Variants in BOD1L1 observed in about 807,000 individuals in gnomAD.
BOD1L1 encodes the protein biorientation of chromosomes in cell division 1 like 1.
Under a neutral mutation model 240.7 loss-of-function variants are expected in BOD1L1, and 86 were observed. The ratio of observed to expected loss-of-function variants is 0.36; its 90% confidence interval spans 0.30 to 0.43. The LOEUF is 0.43. BOD1L1 is among the 20% of genes least tolerant of loss of function. The probability of loss-of-function intolerance (pLI) is 1.00; values close to 1 mark genes in which losing one functional copy is unlikely to be tolerated. For synonymous variants in BOD1L1, 1,268 were observed against 1,272.3 expected (o/e 1.00, Z 0.07); for missense variants, 3,554 against 3,643.5 (o/e 0.98, Z 0.63).
chr4:13,580,274 C>T (rs565713343), intron 21 of BOD1L1, among the ~76,000 whole-genome samples: 1 of 152,190 alleles, frequency 6.6e-6, no homozygotes, highest in South Asian at 2.1e-4. Context: ...TTGCTAAATG[C>T]ATTCACATGT....
chr4:13,578,876 T>C (rs1175581499), intron 22 of BOD1L1, among the ~76,000 whole-genome samples: 2 of 152,236 alleles, frequency 1.3e-5, no homozygotes, highest in Non-Finnish European at 2.9e-5. Context: ...GCTAAAAAAG[T>C]ACATTTTATG....
At chr4:13,605,824 G>A (rs752958197) in intron 9 of BOD1L1, among the ~76,000 whole-genome samples, 1 of 151,932 alleles carries the variant, frequency 6.6e-6, no homozygotes, top group African/African-American at 2.4e-5. Context: ...ACACAATAAC[G>A]CACAGTAACC....
At chr4:13,586,067 A>G (rs1713661262) in intron 17 of BOD1L1, among the ~76,000 whole-genome samples, 1 of 152,234 alleles carries the variant, frequency 6.6e-6, no homozygotes, top group Non-Finnish European at 1.5e-5. Context: ...TGGTGCAAGT[A>G]TATCTGTGAT....
intron 17 of BOD1L1, among the ~76,000 whole-genome samples, chr4:13,583,795 C>T (rs919197099): frequency 6.6e-6 from 1 of 152,098 alleles, no homozygotes; most frequent in African/African-American, 2.4e-5. Flanking sequence ...AAACCTCAAA[C>T]CAGTGTCGGT....
At chr4:13,584,103 T>C (rs918562125) in intron 17 of BOD1L1, among the ~76,000 whole-genome samples, 4 of 152,240 alleles carry the variant, frequency 2.6e-5, no homozygotes, top group Non-Finnish European at 5.9e-5. Flanking sequence ...TAGTAGAGAT[T>C]ACTTTTTAAG....
Position 13,602,651 on chromosome 4 carries a change from T to C in BOD1L1, c.4249A>G (p.Asn1417Asp), listed in dbSNP as rs778520861. ...GTCTGCTTTAAATTGGGCTCTGCAT[T>C]TAAGTCATTTTCTTTCTTGGCCATG... is the stretch of plus-strand genomic sequence containing the variant. ...VDMAKKENDLNAEPNLKQTIK... is the reference protein window; with the variant it reads ...VDMAKKENDLDAEPNLKQTIK... The change falls in exon 10 of 26, where the codon AAT becomes GAT. Residue 1417 changes from asparagine to aspartate, a missense_variant. Around this residue, in one of 2 missense-constraint regions of BOD1L1, gnomAD observed 3,393 missense variants for 3,427.1 expected, o/e 0.99. Coordinates refer to ENST00000040738, the MANE Select transcript of BOD1L1 (RefSeq NM_148894.3). 1.9e-6 allele frequency: 3 copies of C among 1,614,046 alleles called. No individual in the cohort carries two copies. The highest frequency in any genetic ancestry group is 1.1e-5 in the South Asian group (1 of 91,084).
intron 13 of BOD1L1, 146 bp from the exon 14 acceptor site, chr4:13,590,592 C>T (rs889904848): frequency 4.0e-5 from 17 of 420,302 alleles, no homozygotes; most frequent in Non-Finnish European, 6.6e-5. Flanking sequence ...TTAATTTCAC[C>T]CAGAAGCTCA....
Position 13,600,229 on chromosome 4 carries a change from G to T in BOD1L1, c.6671C>A (p.Ala2224Glu). Residue 2224 changes from alanine to glutamate, a missense_variant, in exon 10 of 26, where the codon GCA (alanine) becomes GAA (glutamate). By Grantham distance (107) the Ala-to-Glu change is moderately radical. Transcript: ENST00000040738. ...DECALISTSI[A>E]EECEASVSGV... Reference sequence around the variant, plus strand: ...GGAAACAGAAGCCTCACATTCTTCTGCTATGCTAGTGGAAATGAGAGCACA... The same window carrying T: ...GGAAACAGAAGCCTCACATTCTTCTTCTATGCTAGTGGAAATGAGAGCACA... 1 of 1,613,980 alleles carries T rather than the reference G, an allele frequency of 6.2e-7. No homozygotes were observed. Among genetic ancestry groups the T allele is most frequent in the Middle Eastern group, 1.6e-4 (1 of 6,062 alleles).
In BOD1L1 at chr4:13,603,507, C is replaced by T; in HGVS notation, c.3393G>A (p.Val1131=). The T allele has an allele frequency of 1.9e-6, 3 of 1,613,980 alleles. No individual in the cohort carries two copies. Among genetic ancestry groups the T allele is most frequent in the Non-Finnish European group, 2.5e-6 (3 of 1,179,882 alleles). The change falls in exon 10 of 26, where the codon GTG becomes GTA. Residue 1131 remains valine, a synonymous_variant. Transcript: ENST00000040738. ...TGTCTTGGGTTTTAGATACTTCAAACACATTTTCAACACCTGGCTCAGAAT... is the reference window on the plus strand; with the variant it reads ...TGTCTTGGGTTTTAGATACTTCAAATACATTTTCAACACCTGGCTCAGAAT... The part of the protein sequence containing the change: ...EIDSEPGVEN[V]FEVSKTQDNR...
chr4:13,609,016 T>C (rs1396656922), intron 7 of BOD1L1, among the ~76,000 whole-genome samples: 2 of 152,202 alleles, frequency 1.3e-5, no homozygotes, highest in Admixed American at 6.5e-5. Context: ...AACTCATGTG[T>C]TAACAATCTA....
Position 13,602,577 on chromosome 4 carries a change from A to T in BOD1L1, c.4323T>A (p.Asp1441Glu), listed in dbSNP as rs1715291306. Residue 1441 changes from aspartate to glutamate, a missense_variant, in exon 10 of 26, where the codon GAT (aspartate) becomes GAA (glutamate). Around this residue, in one of 2 missense-constraint regions of BOD1L1, gnomAD observed 3,393 missense variants for 3,427.1 expected, o/e 0.99. Coordinates refer to ENST00000040738, the MANE Select transcript of BOD1L1 (RefSeq NM_148894.3). Reference sequence around the variant, plus strand: ...TTTCTGTATTCAGGCCTACAACATGATCAACAGCAATGCCATCCTTCTTGC... The same window carrying T: ...TTTCTGTATTCAGGCCTACAACATGTTCAACAGCAATGCCATCCTTCTTGC... ...ENGKKDGIAVDHVVGLNTEKY... is the reference protein window; with the variant it reads ...ENGKKDGIAVEHVVGLNTEKY... The T allele has an allele frequency of 1.9e-6, 3 of 1,613,884 alleles. No individual in the cohort carries two copies. The highest frequency in any genetic ancestry group is 2.5e-6 in the Non-Finnish European group (3 of 1,179,896).
rs1716438911 is a variant in BOD1L1 at position 13,614,654 on chromosome 4, G to A, written c.716C>T (p.Ser239Phe). 1 of 1,613,882 alleles carries A rather than the reference G, an allele frequency of 6.2e-7. No homozygotes were observed. The highest frequency in any genetic ancestry group is 8.5e-7 in the Non-Finnish European group (1 of 1,179,848). The change falls in exon 4 of 26, where the codon TCT becomes TTT. Residue 239 changes from serine (S) to phenylalanine (F), a missense_variant. Physicochemically the swap from Ser to Phe is radical, Grantham distance 155 (BLOSUM62 -2). Around this residue, in one of 2 missense-constraint regions of BOD1L1, gnomAD observed 3,393 missense variants for 3,427.1 expected, o/e 0.99. Coordinates refer to ENST00000040738, the MANE Select transcript of BOD1L1 (RefSeq NM_148894.3). ...TSERASKKLP[S>F]QPTTDTSTDK... ...AGTACTAGTATCAGTGGTTGGCTGAGATGGAAGTTTTTTTGACGCTCTCTC... is the reference window on the plus strand; with the variant it reads ...AGTACTAGTATCAGTGGTTGGCTGAAATGGAAGTTTTTTTGACGCTCTCTC...
chr4:13,607,521 C>A (rs1394770928), intron 8 of BOD1L1, among the ~76,000 whole-genome samples: 1 of 152,218 alleles, frequency 6.6e-6, no homozygotes, highest in Non-Finnish European at 1.5e-5. Context: ...TGGTCTCAAA[C>A]TCCTGACCTC....
intron 6 of BOD1L1, 144 bp from the exon 7 acceptor site, chr4:13,609,550 A>T: frequency 2.0e-6 from 1 of 491,590 alleles, no homozygotes; most frequent in Non-Finnish European, 3.6e-6. Context: ...CACTACATAT[A>T]TATACACACA....
intron 19 of BOD1L1, 47 bp from the exon 20 acceptor site, chr4:13,581,254 T>C: frequency 1.6e-6 from 2 of 1,274,706 alleles, no homozygotes; most frequent in Non-Finnish European, 2.2e-6. Flanking sequence ...AAAAAAATTT[T>C]ATCCTTTATT....
intron 9 of BOD1L1, 137 bp downstream of exon 9, chr4:13,606,980 T>A (rs1715758096): frequency 1.9e-6 from 1 of 534,392 alleles, no homozygotes; most frequent in Admixed American, 4.2e-5. Context: ...AAAATGGGGT[T>A]TCAAAAATGC....
chr4:13,604,358 A>C lies in BOD1L1; in HGVS notation c.2542T>G (p.Ser848Ala). The change falls in exon 10 of 26, where the codon TCT becomes GCT. Residue 848 changes from serine to alanine, a missense_variant. This residue lies in a region of BOD1L1 where 3,393 missense variants were observed against 3,427.1 expected (regional missense o/e 0.99). Coordinates refer to ENST00000040738, the MANE Select transcript of BOD1L1 (RefSeq NM_148894.3). Reference sequence around the variant, plus strand: ...CCCAGAGAATCTTTCTGAATTTTAGAATCACTTGACCTTCTTGATTTGTGC... The same window carrying C: ...CCCAGAGAATCTTTCTGAATTTTAGCATCACTTGACCTTCTTGATTTGTGC... The part of the protein sequence containing the change: ...AEHKSRRSSD[S>A]KIQKDSLGSK... 6.3e-7 allele frequency: 1 copy of C among 1,581,274 alleles called. No homozygotes were observed. The highest frequency in any genetic ancestry group is 8.5e-7 in the Non-Finnish European group (1 of 1,169,968).
chr4:13,575,363 C>A (rs1712623053), intron 25 of BOD1L1, among the ~76,000 whole-genome samples: 1 of 151,944 alleles, frequency 6.6e-6, no homozygotes, highest in African/African-American at 2.4e-5. Context: ...GCTTGTAAAT[C>A]ACATTAATTA....
intron 14 of BOD1L1, among the ~76,000 whole-genome samples, chr4:13,589,907 G>C (rs1714059279): frequency 6.6e-6 from 1 of 152,180 alleles, no homozygotes; most frequent in South Asian, 2.1e-4. Context: ...AAAATTCTAT[G>C]TTCTGTTTGA....
Sources: gnomAD v4.1 joint callset for allele counts (sites outside exome capture counted in the v4.1 genomes callset) on GRCh38, gnomAD v4.1.1 for gene constraint, gnomAD v4.1.1 regional missense constraint, MANE v1.5 for transcripts, NCBI Gene and HGNC (gene_info 2026-07-23, HGNC 2026-07-21) for gene names.